PAGR1: variants seen among roughly 807,000 people sequenced by gnomAD.
PAGR1 encodes the protein PAXIP1 associated glutamate rich protein 1.
A neutral mutation model predicts 22.4 loss-of-function variants in PAGR1; 20 were observed. The observed-to-expected ratio is 0.89, with a 90% CI of 0.63 to 1.30. The LOEUF is 1.30. Ranked by LOEUF, PAGR1 falls within the 50% of genes most tolerant of loss-of-function variation. The pLI is 0.00. For missense variants in PAGR1, 338 were observed against 343.6 expected, an observed-to-expected ratio of 0.98 and a Z score of 0.13; for synonymous variants, 161 against 148.3, an observed-to-expected ratio of 1.09 and a Z score of -0.62.
chr16:29,816,358 T>G lies in PAGR1; in HGVS notation c.-168T>G. 1.7e-6 allele frequency: 1 copy of G among 598,798 alleles called. No homozygotes were observed. Among genetic ancestry groups the G allele is most frequent in the South Asian group, 6.5e-5 (1 of 15,446 alleles). The allele number at this position is 598,798 out of a possible 1,614,324, so 37.1% of individuals were successfully genotyped here. On this transcript the variant is annotated 5_prime_UTR_variant, in exon 1 of 3. Transcript: ENST00000320330. ...TCGATCTCCGGGGCGGGGTCCTTGG[T>G]GGGGACTGAGCGCCCCCTCCCGGGG...
In PAGR1 at chr16:29,816,464, C is replaced by T; in HGVS notation, c.-62C>T. On this transcript the variant is annotated 5_prime_UTR_variant, in exon 1 of 3. Transcript: ENST00000320330. Reference sequence around the variant, plus strand: ...CCGAACCCCCAGGGGAGCCCGATCCCTGGGGGACCCTGGCTTCGGACTCCA... The same window carrying T: ...CCGAACCCCCAGGGGAGCCCGATCCTTGGGGGACCCTGGCTTCGGACTCCA... 7.1e-7 allele frequency: 1 copy of T among 1,404,682 alleles called. No homozygotes were observed. The highest frequency in any genetic ancestry group is 2.6e-5 in the East Asian group (1 of 39,174). The allele number at this position is 1,404,682 out of a possible 1,614,324, so 87.0% of individuals were successfully genotyped here.
In PAGR1 at chr16:29,816,378, C is replaced by T. The variant is rs997942748; in HGVS notation, c.-148C>T. 4.4e-5 allele frequency: 36 copies of T among 821,020 alleles called. No individual in the cohort carries two copies. The highest frequency in any genetic ancestry group is 5.8e-5 in the Non-Finnish European group (34 of 591,226). 50.9% of individuals were successfully genotyped at this position (821,020 alleles called of 1,614,324 possible). On this transcript the variant is annotated 5_prime_UTR_variant, in exon 1 of 3. Coordinates refer to ENST00000320330, the MANE Select transcript of PAGR1 (RefSeq NM_024516.4). Reference sequence around the variant, plus strand: ...CTTGGTGGGGACTGAGCGCCCCCTCCCGGGGACGGGCGGTCTGGCCGCGGA... The same window carrying T: ...CTTGGTGGGGACTGAGCGCCCCCTCTCGGGGACGGGCGGTCTGGCCGCGGA...
intron 2 of PAGR1, among the ~76,000 whole-genome samples, chr16:29,818,925 A>G (rs1330538800): frequency 6.6e-6 from 1 of 152,144 alleles, no homozygotes. Flanking sequence ...TTGCCAGGGA[A>G]GAGCATGTCA....
rs3178910 is a variant in PAGR1, at chr16:29,821,992, C to T, written c.*2238C>T. ...TGTAATCCCAGTACTTTGGGAGGCC[C>T]GAATGGGAGGATGGCTTGAGGCCAG... On this transcript the variant is annotated 3_prime_UTR_variant, in exon 3 of 3. Transcript: ENST00000320330. Among the ~76,000 whole-genome samples the T allele has an allele frequency of 0.033, 5,013 of 151,924 alleles. 248 individuals are homozygous for T. The highest frequency in any genetic ancestry group is 0.11 in the African/African-American group (4,417 of 41,390).
intron 2 of PAGR1, among the ~76,000 whole-genome samples, chr16:29,817,583 C>T (rs949489744): frequency 8.9e-6 from 1 of 112,460 alleles, no homozygotes; most frequent in African/African-American, 3.3e-5. Flanking sequence ...AAGCAATTCT[C>T]CTGCCTCAGC....
In PAGR1 at chr16:29,820,524, A is replaced by C. The variant is rs1307355664; in HGVS notation, c.*770A>C. The C allele has an allele frequency of 6.6e-6, 1 of 152,272 alleles. No individual in the cohort carries two copies. The highest frequency in any genetic ancestry group is 2.4e-5 in the African/African-American group (1 of 41,436). The allele number at this position is 152,272 out of a possible 1,614,324, so 9.4% of individuals were successfully genotyped here. A position where few individuals can be genotyped will look rare whatever the true frequency, so the allele number is the denominator to read the frequency against. On this transcript the variant is annotated 3_prime_UTR_variant, in exon 3 of 3. Transcript: ENST00000320330. ...GCACTTCTAGATGTGAGTACATTGT[A>C]CTAGCCCCCCAAACCCCAAATCAGG...
At position 29,816,537 on chromosome 16, in the gene PAGR1, T is replaced by C. The variant is rs146149602; in HGVS notation, c.12T>C (p.Ala4=). 95 of 1,508,028 alleles carry C rather than the reference T, an allele frequency of 6.3e-5. No homozygotes were observed. The highest frequency in any genetic ancestry group is 8.3e-5 in the Non-Finnish European group (94 of 1,130,120). 93.4% of individuals were successfully genotyped at this position (1,508,028 alleles called of 1,614,324 possible). ...TGCCCTAGTGGCCTATGTCCCTTGC[T>C]CGGGGCCATGGAGACACTGCGGCCA... MSL[A]RGHGDTAAST... is the part of the protein sequence containing the mutation. Residue 4 remains alanine, a synonymous_variant, in exon 1 of 3, where the codon GCT becomes GCC. Transcript: ENST00000320330.
intron 2 of PAGR1, among the ~76,000 whole-genome samples, chr16:29,817,569 G>A (rs1900277314): frequency 1.4e-5 from 2 of 145,760 alleles, no homozygotes; most frequent in African/African-American, 2.6e-5. Flanking sequence ...CGCCTCCTGG[G>A]TTCAAGCAAT....
chr16:29,817,240 T>C lies in PAGR1; in HGVS notation c.513T>C (p.Asp171=). 6.2e-7 allele frequency: 1 copy of C among 1,613,920 alleles called. No homozygotes were observed. The highest frequency in any genetic ancestry group is 1.3e-5 in the African/African-American group (1 of 74,940). ...ACATGCCCACGGAATTTGATTTTGA[T>C]GATGAGCCAGTGACACCAAAGGACT... is the stretch of plus-strand genomic sequence containing the variant. ...KPHMPTEFDF[D]DEPVTPKDSL... Residue 171 remains aspartate (D), a synonymous_variant, in exon 2 of 3, where the codon GAT becomes GAC. Coordinates refer to ENST00000320330, the MANE Select transcript of PAGR1 (RefSeq NM_024516.4).
intron 2 of PAGR1, among the ~76,000 whole-genome samples, chr16:29,817,773 C>G (rs1430295977): frequency 1.3e-5 from 2 of 152,044 alleles, no homozygotes; most frequent in Non-Finnish European, 2.9e-5. Context: ...CGCCTGGCCC[C>G]TTGTCTTCCT....
intron 1 of PAGR1, 68 bp from the exon 2 acceptor site, chr16:29,817,142 G>C: frequency 6.2e-7 from 1 of 1,608,744 alleles, no homozygotes; most frequent in Non-Finnish European, 8.5e-7. Flanking sequence ...GGAACGGGCA[G>C]GGGAGAAGCA....
Position 29,816,946 on chromosome 16 carries a change from G to C in PAGR1, c.421G>C (p.Ala141Pro). ...ILPRRPPTPE[A>P]QSEEERSDEE... Reference sequence around the variant, plus strand: ...GCCCCGCCGGCCTCCCACGCCGGAGGCCCAGAGCGAAGAGGAGAGATCCGA... The same window carrying C: ...GCCCCGCCGGCCTCCCACGCCGGAGCCCCAGAGCGAAGAGGAGAGATCCGA... The change falls in exon 1 of 3, where the codon GCC becomes CCC. Residue 141 changes from alanine (A) to proline (P), a missense_variant. Around this residue, in one of 3 missense-constraint regions of PAGR1, gnomAD observed 235 missense variants for 216.0 expected, o/e 1.09. Coordinates refer to ENST00000320330, the MANE Select transcript of PAGR1 (RefSeq NM_024516.4). The C allele has an allele frequency of 6.4e-7, 1 of 1,573,078 alleles. No individual in the cohort carries two copies. The highest frequency in any genetic ancestry group is 8.6e-7 in the Non-Finnish European group (1 of 1,161,144).
rs1237231992 is a variant in PAGR1 at position 29,822,047 on chromosome 16, G to GT, written c.*2293_*2294insT. ...TCCAGACCAGCCTGAGCAACATAGC[G>GT]AGACCCTGTCTCTGTTTGTGTGTGT... is the stretch of plus-strand genomic sequence containing the variant. On this transcript the variant is annotated 3_prime_UTR_variant, in exon 3 of 3. Coordinates refer to ENST00000320330, the MANE Select transcript of PAGR1 (RefSeq NM_024516.4). Among the ~76,000 whole-genome samples, 3 of 152,050 alleles carry GT rather than the reference G, an allele frequency of 2.0e-5. No individual in the cohort carries two copies. Among genetic ancestry groups the GT allele is most frequent in the Non-Finnish European group, 4.4e-5 (3 of 67,984 alleles).
At chr16:29,817,176 C>T (rs750313501) in intron 1 of PAGR1, 34 bp from the exon 2 acceptor site, 10 of 1,613,460 alleles carry the variant, frequency 6.2e-6, no homozygotes, top group Admixed American at 1.7e-5. Flanking sequence ...GAGGGAGGAC[C>T]GCCCTCACCC....
At position 29,817,242 on chromosome 16, in the gene PAGR1, A is replaced by G; in HGVS notation, c.515A>G (p.Asp172Gly). 6.2e-7 allele frequency: 1 copy of G among 1,614,004 alleles called. No homozygotes were observed. Among genetic ancestry groups the G allele is most frequent in the Non-Finnish European group, 8.5e-7 (1 of 1,179,992 alleles). The change falls in exon 2 of 3, where the codon GAT (aspartate) becomes GGT (glycine). Residue 172 changes from aspartate (D) to glycine (G), a missense_variant. Asp to Gly is a moderately conservative substitution (Grantham distance 94, BLOSUM62 -1). This residue lies in a region of PAGR1 where 51 missense variants were observed against 83.1 expected (regional missense o/e 0.61). Coordinates refer to ENST00000320330, the MANE Select transcript of PAGR1 (RefSeq NM_024516.4). ...ATGCCCACGGAATTTGATTTTGATG[A>G]TGAGCCAGTGACACCAAAGGACTCC... ...PHMPTEFDFD[D>G]EPVTPKDSLI...
chr16:29,816,396 G>T lies in PAGR1; in HGVS notation c.-130G>T. ...CCCCCTCCCGGGGACGGGCGGTCTG[G>T]CCGCGGAGTCCCCTGCGGGAGCGTG... is the stretch of plus-strand genomic sequence containing the variant. On this transcript the variant is annotated 5_prime_UTR_variant, in exon 1 of 3. Coordinates refer to ENST00000320330, the MANE Select transcript of PAGR1 (RefSeq NM_024516.4). The T allele has an allele frequency of 2.0e-6, 2 of 1,004,784 alleles. No homozygotes were observed. The highest frequency in any genetic ancestry group is 2.6e-6 in the Non-Finnish European group (2 of 756,994). 62.2% of individuals were successfully genotyped at this position (1,004,784 alleles called of 1,614,324 possible).
chr16:29,817,335 G>T, intron 2 of PAGR1, 43 bp downstream of exon 2: 3 of 1,597,350 alleles, frequency 1.9e-6, no homozygotes, highest in Non-Finnish European at 2.6e-6. Context: ...GAAGGGCCTC[G>T]GCTCAGTTAC....
At position 29,820,581 on chromosome 16, in the gene PAGR1, T is replaced by C. The variant is rs1021340810; in HGVS notation, c.*827T>C. On this transcript the variant is annotated 3_prime_UTR_variant, in exon 3 of 3. Transcript: ENST00000320330. Reference sequence around the variant, plus strand: ...TCTTTGTATCCCTTGAGGCTCTCTTTAGTCCTGTCTTGCTTTGAAGGGCCT... The same window carrying C: ...TCTTTGTATCCCTTGAGGCTCTCTTCAGTCCTGTCTTGCTTTGAAGGGCCT... 1 of 152,382 alleles carries C rather than the reference T, an allele frequency of 6.6e-6. No homozygotes were observed. Among genetic ancestry groups the C allele is most frequent in the Non-Finnish European group, 1.5e-5 (1 of 68,186 alleles). 9.4% of individuals were successfully genotyped at this position (152,382 alleles called of 1,614,324 possible).
At position 29,816,397 on chromosome 16, in the gene PAGR1, C is replaced by T. The variant is rs1900247628; in HGVS notation, c.-129C>T. The T allele has an allele frequency of 9.9e-7, 1 of 1,009,908 alleles. No individual in the cohort carries two copies. The highest frequency in any genetic ancestry group is 1.3e-6 in the Non-Finnish European group (1 of 761,844). 62.6% of individuals were successfully genotyped at this position (1,009,908 alleles called of 1,614,324 possible). A position where few individuals can be genotyped will look rare whatever the true frequency, so the allele number is the denominator to read the frequency against. On this transcript the variant is annotated 5_prime_UTR_variant, in exon 1 of 3. Coordinates refer to ENST00000320330, the MANE Select transcript of PAGR1 (RefSeq NM_024516.4). ...CCCCTCCCGGGGACGGGCGGTCTGG[C>T]CGCGGAGTCCCCTGCGGGAGCGTGA...
Sources: gnomAD v4.1 joint callset for allele counts (sites outside exome capture counted in the v4.1 genomes callset) on GRCh38, gnomAD v4.1.1 for gene constraint, gnomAD v4.1.1 regional missense constraint, MANE v1.5 for transcripts, NCBI Gene and HGNC (gene_info 2026-07-23, HGNC 2026-07-21) for gene names.